The following XPNPEP2 variants were observed in gnomAD, a reference collection of about 807,000 sequenced individuals.
The protein encoded by XPNPEP2 is X-prolyl aminopeptidase 2.
In XPNPEP2, 64 loss-of-function variants were observed where a neutral mutation model predicts 59.8. That is an observed-to-expected ratio of 1.07 (90% confidence interval 0.87 to 1.32). The LOEUF is 1.32. XPNPEP2 is among the 40% of genes most tolerant of loss of function. The probability of loss-of-function intolerance (pLI) is 0.00; values close to 1 mark genes in which losing one functional copy is unlikely to be tolerated. For missense variants in XPNPEP2, 575 were observed against 546.8 expected (o/e 1.05, Z -0.51); for synonymous variants, 235 against 210.0 (o/e 1.12, Z -1.03).
intron 14 of XPNPEP2, among the ~76,000 whole-genome samples, chrX:129,757,569 G>C (rs1926549424): frequency 9.3e-6 from 1 of 107,770 alleles, no homozygotes; most frequent in South Asian, 4.1e-4. Flanking sequence ...ACTTTGGGAG[G>C]CCGAGGCGGG....
intron 11 of XPNPEP2, 65 bp from the exon 12 acceptor site, chrX:129,754,407 T>C (rs2124034395): frequency 3.9e-6 from 4 of 1,020,085 alleles, no homozygotes; most frequent in East Asian, 3.4e-5. Context: ...CTCCATCATC[T>C]TGGAGCCTGT....
intron 1 of XPNPEP2, 29 bp downstream of exon 1, chrX:129,739,291 G>A (rs1926129623): frequency 1.7e-6 from 2 of 1,199,761 alleles, no homozygotes; most frequent in South Asian, 1.8e-5. Context: ...CCACTGGAAG[G>A]CAGCTCTGAC....
rs776550213 is a variant in XPNPEP2 at position 129,750,767 on chromosome X, G to C, written c.739+198G>C. ...TCATGGCTTCAGAAAAAGGACAAAAGGTAGCCCTGAGCAAGCTGGGACCAG... is the reference window on the plus strand; with the variant it reads ...TCATGGCTTCAGAAAAAGGACAAAACGTAGCCCTGAGCAAGCTGGGACCAG... On this transcript the variant is annotated intron_variant, in intron 8 of 20. Coordinates refer to ENST00000371106, the MANE Select transcript of XPNPEP2 (RefSeq NM_003399.6). Among the ~76,000 whole-genome samples the C allele has an allele frequency of 2.0e-4, 23 of 112,416 alleles. No homozygotes were observed. The South Asian group carries it at 2.2e-3, about 11-fold the overall frequency.
At chrX:129,765,898 A>G (rs931719370) in intron 19 of XPNPEP2, among the ~76,000 whole-genome samples, 17 of 111,798 alleles carry the variant, frequency 1.5e-4, no homozygotes, top group Non-Finnish European at 2.6e-4. Flanking sequence ...TTGGCCTCCC[A>G]AAGTTCTGGA....
intron 8 of XPNPEP2, among the ~76,000 whole-genome samples, chrX:129,751,390 C>T (rs759425392): frequency 9.1e-6 from 1 of 109,481 alleles, no homozygotes; most frequent in Non-Finnish European, 1.9e-5. Flanking sequence ...CATCTGCAAA[C>T]CCAGCTACCT....
At position 129,754,616 on chromosome X, in the gene XPNPEP2, T is replaced by C. The variant is rs968342584; in HGVS notation, c.1217+35T>C. ...CACGGCCGTCCTTTTTGGCTGACTG[T>C]CTTTTAGTGTGGCAGTGGGGGCAGG... On this transcript the variant is annotated intron_variant, in intron 12 of 20. Transcript: ENST00000371106. 17 of 1,120,205 alleles carry C rather than the reference T, an allele frequency of 1.5e-5. No homozygotes were observed. The African/African-American group carries it at 2.6e-4, about 17-fold the overall frequency. 92.3% of individuals were successfully genotyped at this position (1,120,205 alleles called of 1,213,427 possible).
intron 14 of XPNPEP2, among the ~76,000 whole-genome samples, chrX:129,757,710 G>T (rs989308665): frequency 9.5e-6 from 1 of 105,002 alleles, no homozygotes; most frequent in African/African-American, 3.5e-5. Context: ...CAGGAGAATC[G>T]CTTGAACCCG....
intron 10 of XPNPEP2, among the ~76,000 whole-genome samples, chrX:129,752,751 G>C (rs943610488): frequency 1.8e-4 from 20 of 112,333 alleles, no homozygotes; most frequent in African/African-American, 6.5e-4. Flanking sequence ...ATCTAAAGGA[G>C]ATAGTGTATA....
At position 129,754,529 on chromosome X, in the gene XPNPEP2, A is replaced by C; in HGVS notation, c.1165A>C (p.Lys389Gln). Residue 389 changes from lysine (K) to glutamine (Q), a missense_variant, in exon 12 of 21, where the codon AAA (lysine) becomes CAA (glutamine). By Grantham distance (53) the Lys-to-Gln change is moderately conservative. Coordinates refer to ENST00000371106, the MANE Select transcript of XPNPEP2 (RefSeq NM_003399.6). Reference protein sequence around the residue: ...YLVWLEKNVPKGTVDEFSGAE... With the variant: ...YLVWLEKNVPQGTVDEFSGAE... ...GGTCTGGCTGGAGAAGAACGTGCCCAAAGGCACAGTGGATGAGTTCTCGGG... is the reference window on the plus strand; with the variant it reads ...GGTCTGGCTGGAGAAGAACGTGCCCCAAGGCACAGTGGATGAGTTCTCGGG... The C allele has an allele frequency of 8.4e-7, 1 of 1,194,302 alleles. No homozygotes were observed. Among genetic ancestry groups the C allele is most frequent in the East Asian group, 3.0e-5 (1 of 33,018 alleles).
At chrX:129,739,408 G>A in intron 1 of XPNPEP2, 146 bp downstream of exon 1, 1 of 552,904 alleles carries the variant, frequency 1.8e-6, no homozygotes, top group African/African-American at 2.3e-5. Flanking sequence ...CAGGGCCAGT[G>A]TTGGGGGCCC....
intron 19 of XPNPEP2, among the ~76,000 whole-genome samples, chrX:129,763,868 G>GA (rs1428979405): frequency 9.1e-6 from 1 of 109,990 alleles, no homozygotes; most frequent in African/African-American, 3.3e-5. Flanking sequence ...AAAAAAGTAA[G>GA]AAAAAAATGA....
Position 129,765,635 on chromosome X carries a change from C to CTTTTTTT in XPNPEP2, c.1741-1952_1741-1946dup, listed in dbSNP as rs56014067. On this transcript the variant is annotated intron_variant, in intron 19 of 20. Coordinates refer to ENST00000371106, the MANE Select transcript of XPNPEP2 (RefSeq NM_003399.6). ...TATTTCTTTTTTTCTTTCTTTCTTT[C>CTTTTTTT]TTTTTTTTTTTTTTTTTTTTTTGAT... is the stretch of plus-strand genomic sequence containing the variant. 1.1e-3 allele frequency among the ~76,000 whole-genome samples: 72 copies of CTTTTTTT among 67,299 alleles called. 1 individual carries two copies. The highest frequency in any genetic ancestry group is 3.1e-3 in the East Asian group (5 of 1,597). The allele number at this position is 67,299 out of a possible 115,157, so 58.4% of individuals were successfully genotyped here. A position where few individuals can be genotyped will look rare whatever the true frequency, so the allele number is the denominator to read the frequency against.
intron 13 of XPNPEP2, 61 bp from the exon 14 acceptor site, chrX:129,756,423 C>G: frequency 8.8e-7 from 1 of 1,139,343 alleles, no homozygotes; most frequent in Admixed American, 2.2e-5. Context: ...CCCACCAAGG[C>G]CTCCCACGTG....
Position 129,768,631 on chromosome X carries a change from A to G in XPNPEP2, c.*146A>G, listed in dbSNP as rs1039581396. ...CATTCATCCTCCTTCTCCAAGACCT[A>G]TGGAGAAGGTCCCAGGCCCCAGGAA... is the stretch of plus-strand genomic sequence containing the variant. On this transcript the variant is annotated 3_prime_UTR_variant, in exon 21 of 21. Coordinates refer to ENST00000371106, the MANE Select transcript of XPNPEP2 (RefSeq NM_003399.6). 5 of 478,892 alleles carry G rather than the reference A, an allele frequency of 1.0e-5. No homozygotes were observed. Among genetic ancestry groups the G allele is most frequent in the Non-Finnish European group, 1.5e-5 (5 of 327,790 alleles). The allele number at this position is 478,892 out of a possible 1,213,427, so 39.5% of individuals were successfully genotyped here.
chrX:129,758,007 T>G (rs1367580014), intron 14 of XPNPEP2, among the ~76,000 whole-genome samples: 1 of 110,715 alleles, frequency 9.0e-6, no homozygotes, highest in Non-Finnish European at 1.9e-5. Flanking sequence ...GACTGATCAT[T>G]CACACCAGAG....
intron 14 of XPNPEP2, among the ~76,000 whole-genome samples, chrX:129,758,805 T>G (rs1444188235): frequency 9.0e-6 from 1 of 111,558 alleles, no homozygotes; most frequent in Non-Finnish European, 1.9e-5. Flanking sequence ...TGGACCTCAG[T>G]TTCCCCAGCT....
At chrX:129,754,273 C>T (rs183031076) in intron 11 of XPNPEP2, among the ~76,000 whole-genome samples, 199 bp from the exon 12 acceptor site, 512 of 112,253 alleles carry the variant, frequency 4.6e-3, no homozygotes, top group Non-Finnish European at 7.7e-3. Flanking sequence ...TCATTTCTGC[C>T]GTCAACACAG....
intron 3 of XPNPEP2, among the ~76,000 whole-genome samples, chrX:129,744,906 G>C (rs1926265197): frequency 8.9e-6 from 1 of 112,210 alleles, no homozygotes; most frequent in Non-Finnish European, 1.9e-5. Context: ...AGAATTTGCA[G>C]GGCAGGGCAA....
At chrX:129,762,199 C>G in intron 18 of XPNPEP2, 134 bp downstream of exon 18, 1 of 644,337 alleles carries the variant, frequency 1.6e-6, no homozygotes. Context: ...CCTCCCCATT[C>G]CCACCGCTAC....
Sources: allele counts gnomAD v4.1 joint callset (sites outside exome capture counted in the v4.1 genomes callset), GRCh38; gene constraint gnomAD v4.1.1; transcripts MANE v1.5; gene names NCBI Gene and HGNC (gene_info 2026-07-23, HGNC 2026-07-21).